The following CRTAC1 variants were observed in gnomAD, a reference collection of about 807,000 sequenced individuals.
CRTAC1 encodes acidic secreted protein in cartilage.
A neutral mutation model predicts 67.8 loss-of-function variants in CRTAC1; 37 were observed. The observed-to-expected ratio is 0.55, with a 90% CI of 0.42 to 0.72. CRTAC1 has a LOEUF of 0.72. CRTAC1 is among the 30% of genes least tolerant of loss of function. The pLI, the probability that CRTAC1 is intolerant of heterozygous loss-of-function variation, is 0.00. For missense variants in CRTAC1, 780 were observed against 931.6 expected (o/e 0.84, Z 2.12); for synonymous variants, 348 against 371.0 (o/e 0.94, Z 0.71).
chr10:97,888,589 C>T (rs1190184185), intron 11 of CRTAC1, among the ~76,000 whole-genome samples: 1 of 152,178 alleles, frequency 6.6e-6, no homozygotes, highest in East Asian at 1.9e-4. Context: ...GGGGAAGTGA[C>T]TTGCAGGTGT....
intron 3 of CRTAC1, among the ~76,000 whole-genome samples, chr10:97,928,138 G>A (rs1247612482): frequency 6.6e-6 from 1 of 152,106 alleles, no homozygotes. Context: ...CTTACGAGGG[G>A]CAAGTCTAGT....
intron 2 of CRTAC1, among the ~76,000 whole-genome samples, chr10:97,974,659 C>T (rs978089001): frequency 6.6e-6 from 1 of 152,182 alleles, no homozygotes; most frequent in Non-Finnish European, 1.5e-5. Flanking sequence ...CTCTGCTCCC[C>T]GGGTCCCCTC....
intron 5 of CRTAC1, 117 bp from the exon 6 acceptor site, chr10:97,908,264 G>C: frequency 2.7e-6 from 3 of 1,096,164 alleles, no homozygotes; most frequent in Admixed American, 2.4e-5. Context: ...AGAGGAGCCT[G>C]GGGGGAATTC....
chr10:97,882,851 G>T, intron 12 of CRTAC1, 23 bp from the exon 13 acceptor site: 4 of 1,613,932 alleles, frequency 2.5e-6, no homozygotes, highest in Non-Finnish European at 3.4e-6. Flanking sequence ...CAGAAGCAGA[G>T]ACATGAGTGA....
rs757849755 is a variant in CRTAC1, at chr10:97,879,812, G to A, written c.1819+437C>T. ...AAAAGGCCACTTGAGCTGCAAAAAC[G>A]ATGCGGCGGGGAGACAGAAAATGGG... On this transcript the variant is annotated intron_variant, in intron 14 of 14. Transcript: ENST00000370597. 9.1e-5 allele frequency: 120 copies of A among 1,312,244 alleles called. 1 individual carries two copies. The highest frequency in any genetic ancestry group is 1.1e-4 in the Non-Finnish European group (114 of 995,514). 81.3% of individuals were successfully genotyped at this position (1,312,244 alleles called of 1,614,324 possible). A position where few individuals can be genotyped will look rare whatever the true frequency, so the allele number is the denominator to read the frequency against.
chr10:97,951,991 G>T (rs1037959454), intron 2 of CRTAC1, among the ~76,000 whole-genome samples: 1 of 152,170 alleles, frequency 6.6e-6, no homozygotes, highest in African/African-American at 2.4e-5. Flanking sequence ...GGCTGGTCTG[G>T]ATCAGCCTGA....
chr10:98,011,133 C>A lies in CRTAC1; in HGVS notation c.224+5G>T. The A allele has an allele frequency of 6.2e-7, 1 of 1,613,652 alleles. No homozygotes were observed. Among genetic ancestry groups the A allele is most frequent in the Non-Finnish European group, 8.5e-7 (1 of 1,179,558 alleles). ...TCTGTCACACTGAGGGTGGGAGGCA[C>A]TTACCCCGCCACGACGATCTCAAAG... On this transcript the variant is annotated splice_donor_5th_base_variant and intron_variant, in intron 2 of 14. Transcript: ENST00000370597.
chr10:97,984,676 C>T (rs773064347), intron 2 of CRTAC1, among the ~76,000 whole-genome samples: 7 of 152,174 alleles, frequency 4.6e-5, no homozygotes, highest in Non-Finnish European at 8.8e-5. Context: ...TGAGGGTTGG[C>T]AGCACCACTG....
intron 4 of CRTAC1, among the ~76,000 whole-genome samples, 192 bp from the exon 5 acceptor site, chr10:97,917,848 A>T (rs2050781773): frequency 6.6e-6 from 1 of 152,118 alleles, no homozygotes; most frequent in Non-Finnish European, 1.5e-5. Flanking sequence ...CTACCATGTG[A>T]ATGACACTCC....
intron 11 of CRTAC1, among the ~76,000 whole-genome samples, chr10:97,884,842 G>A (rs2050259397): frequency 6.6e-6 from 1 of 152,190 alleles, no homozygotes; most frequent in Admixed American, 6.5e-5. Flanking sequence ...TTCAAATCAT[G>A]GCTCTACCCC....
chr10:98,005,100 A>ATATATATATATATATATTTTT, intron 2 of CRTAC1, among the ~76,000 whole-genome samples: 2 of 48,926 alleles, frequency 4.1e-5, no homozygotes, highest in African/African-American at 2.3e-4. Flanking sequence ...ATATATATAT[A>ATATATATATATATATATTTTT]TTTTTTTTTT....
At chr10:97,899,302 A>G (rs2050501539) in intron 8 of CRTAC1, among the ~76,000 whole-genome samples, 1 of 152,202 alleles carries the variant, frequency 6.6e-6, no homozygotes, top group Non-Finnish European at 1.5e-5. Context: ...CAAACACACT[A>G]ACCCATTGGG....
chr10:97,967,929 G>A (rs1245792147), intron 2 of CRTAC1, among the ~76,000 whole-genome samples: 1 of 152,142 alleles, frequency 6.6e-6, no homozygotes, highest in Non-Finnish European at 1.5e-5. Context: ...GCTTCCCGGG[G>A]GCATTCTTTG....
intron 8 of CRTAC1, among the ~76,000 whole-genome samples, chr10:97,897,317 C>A (rs2050475138): frequency 6.6e-6 from 1 of 152,198 alleles, no homozygotes; most frequent in African/African-American, 2.4e-5. Context: ...CTTCAAGTGG[C>A]CCCTGGGTTT....
intron 2 of CRTAC1, among the ~76,000 whole-genome samples, chr10:97,960,296 C>T (rs1269040754): frequency 6.6e-6 from 1 of 152,226 alleles, no homozygotes; most frequent in African/African-American, 2.4e-5. Context: ...ATTGTAGCCC[C>T]TCTTGTCAGC....
chr10:97,929,354 G>A (rs2050968368), intron 3 of CRTAC1, among the ~76,000 whole-genome samples: 1 of 152,124 alleles, frequency 6.6e-6, no homozygotes, highest in African/African-American at 2.4e-5. Context: ...TAGAAAAGGG[G>A]AACAAGAGGG....
chr10:98,002,249 G>A (rs1842704411), intron 2 of CRTAC1, among the ~76,000 whole-genome samples: 2 of 152,118 alleles, frequency 1.3e-5, no homozygotes, highest in Non-Finnish European at 2.9e-5. Flanking sequence ...TTCAGCAGAG[G>A]CATTTTTAGT....
At chr10:97,910,301 A>G (rs1026223608) in intron 5 of CRTAC1, among the ~76,000 whole-genome samples, 1 of 152,234 alleles carries the variant, frequency 6.6e-6, no homozygotes, top group African/African-American at 2.4e-5. Flanking sequence ...ATCATGTTGT[A>G]CGATGAGCTG....
At chr10:97,875,020 A>G (rs1006194257) in intron 14 of CRTAC1, among the ~76,000 whole-genome samples, 16 of 152,240 alleles carry the variant, frequency 1.1e-4, no homozygotes, top group African/African-American at 3.9e-4. Flanking sequence ...ATCCCAAGCC[A>G]CTAGAACAAC....
Sources: allele counts gnomAD v4.1 joint callset (sites outside exome capture counted in the v4.1 genomes callset), GRCh38; gene constraint gnomAD v4.1.1; transcripts MANE v1.5; gene names NCBI Gene and HGNC (gene_info 2026-07-23, HGNC 2026-07-21).